The following SMC1B variants were observed in gnomAD, a reference collection of about 807,000 sequenced individuals.
SMC1B encodes structural maintenance of chromosomes 1B.
A neutral mutation model predicts 157.9 loss-of-function variants in SMC1B; 60 were observed. The observed-to-expected ratio is 0.38, with a 90% confidence interval of 0.31 to 0.47. The LOEUF is 0.47. Among genes scored for constraint, SMC1B ranks in the 20% least tolerant of loss-of-function variants. The probability of loss-of-function intolerance (pLI) is 0.99; values close to 1 mark genes in which losing one functional copy is unlikely to be tolerated. For synonymous variants in SMC1B, 445 were observed against 483.0 expected (o/e 0.92, Z 1.03); for missense variants, 1,165 against 1,426.2 (o/e 0.82, Z 2.95).
intron 17 of SMC1B, among the ~76,000 whole-genome samples, chr22:45,360,358 A>G (rs1047604007): frequency 6.6e-6 from 1 of 152,248 alleles, no homozygotes; most frequent in Non-Finnish European, 1.5e-5. Context: ...CTAATGTAGT[A>G]ACGCCTTCTA....
intron 23 of SMC1B, among the ~76,000 whole-genome samples, chr22:45,347,179 C>G (rs1318765608): frequency 6.6e-6 from 1 of 152,194 alleles, no homozygotes; most frequent in African/African-American, 2.4e-5. Flanking sequence ...CAGGAGACAA[C>G]TCAAGATGCT....
At chr22:45,370,519 C>A (rs2086821036) in intron 14 of SMC1B, among the ~76,000 whole-genome samples, 1 of 152,062 alleles carries the variant, frequency 6.6e-6, no homozygotes, top group Admixed American at 6.6e-5. Context: ...AAAATTTAAC[C>A]TCAATGTTTT....
chr22:45,351,572 A>C (rs1323735867), intron 22 of SMC1B, among the ~76,000 whole-genome samples: 1 of 152,196 alleles, frequency 6.6e-6, no homozygotes, highest in Non-Finnish European at 1.5e-5. Flanking sequence ...TTTTTGAGAC[A>C]GAGTTTTGTT....
chr22:45,365,567 T>A (rs570203415), intron 15 of SMC1B, among the ~76,000 whole-genome samples: 1 of 152,232 alleles, frequency 6.6e-6, no homozygotes, highest in African/African-American at 2.4e-5. Flanking sequence ...TAGCTGGGCA[T>A]GTTGGCACAC....
At chr22:45,379,451 A>C (rs1239284651) in intron 12 of SMC1B, among the ~76,000 whole-genome samples, 2 of 151,542 alleles carry the variant, frequency 1.3e-5, no homozygotes, top group Non-Finnish European at 2.9e-5. Context: ...TATTCTTTTC[A>C]CTCATTTTTA....
chr22:45,372,201 T>C lies in SMC1B; in HGVS notation c.2150A>G (p.Asn717Ser). 1.2e-6 allele frequency: 2 copies of C among 1,612,514 alleles called. No homozygotes were observed. Among genetic ancestry groups the C allele is most frequent in the Non-Finnish European group, 8.5e-7 (1 of 1,179,396 alleles). The change falls in exon 13 of 25, where the codon AAT becomes AGT. Residue 717 changes from asparagine (N) to serine (S), a missense_variant. Transcript: ENST00000357450. Reference protein sequence around the residue: ...GTQTRLKYSQNELEMIKKKHL... With the variant: ...GTQTRLKYSQSELEMIKKKHL... ...CTTCTTCTTAATCATCTCTAGTTCATTTTGTGAATATTTGAGTCGTGTTTG... is the reference window on the plus strand; with the variant it reads ...CTTCTTCTTAATCATCTCTAGTTCACTTTGTGAATATTTGAGTCGTGTTTG...
intron 4 of SMC1B, among the ~76,000 whole-genome samples, chr22:45,402,906 A>G (rs184416648): frequency 2.0e-5 from 3 of 152,228 alleles, no homozygotes; most frequent in Non-Finnish European, 2.9e-5. Context: ...TGTAAACTGA[A>G]AGAAGAGTGT....
At chr22:45,372,463 T>C (rs1005414947) in intron 12 of SMC1B, among the ~76,000 whole-genome samples, 171 bp from the exon 13 acceptor site, 7 of 152,028 alleles carry the variant, frequency 4.6e-5, no homozygotes, top group African/African-American at 1.7e-4. Context: ...TGATCTGGAG[T>C]AACCAAAATG....
At chr22:45,353,331 G>A (rs2086634030) in intron 21 of SMC1B, among the ~76,000 whole-genome samples, 1 of 150,238 alleles carries the variant, frequency 6.7e-6, no homozygotes, top group Non-Finnish European at 1.5e-5. Context: ...TTACTTTACT[G>A]AAAGTAAGTT....
At chr22:45,402,821 T>A (rs193044087) in intron 4 of SMC1B, among the ~76,000 whole-genome samples, 6 of 152,360 alleles carry the variant, frequency 3.9e-5, no homozygotes, top group African/African-American at 1.4e-4. Flanking sequence ...GTGGCATGCA[T>A]TAGCCTGGGT....
rs1342254088 is a variant in SMC1B, at chr22:45,372,191, C to T, written c.2160G>A (p.Glu720=). ...TRLKYSQNEL[E]MIKKKHLVAF... The stretch of plus-strand genomic sequence containing the variant: ...CAACAAGGTGCTTCTTCTTAATCAT[C>T]TCTAGTTCATTTTGTGAATATTTGA... The change falls in exon 13 of 25, where the codon GAG becomes GAA. Residue 720 remains glutamate (E), a synonymous_variant. Transcript: ENST00000357450. The T allele has an allele frequency of 1.2e-6, 2 of 1,611,790 alleles. No homozygotes were observed. Among genetic ancestry groups the T allele is most frequent in the South Asian group, 1.1e-5 (1 of 90,564 alleles).
At chr22:45,386,769 A>C in intron 11 of SMC1B, 98 bp downstream of exon 11, 1 of 1,104,372 alleles carries the variant, frequency 9.1e-7, no homozygotes, top group Non-Finnish European at 1.3e-6. Context: ...AAGAACACAT[A>C]AAACGCATAT....
chr22:45,401,427 G>T (rs2087191979), intron 5 of SMC1B, among the ~76,000 whole-genome samples: 1 of 152,260 alleles, frequency 6.6e-6, no homozygotes, highest in Non-Finnish European at 1.5e-5. Flanking sequence ...TCAGAAGCCA[G>T]CTATGTTCAA....
At chr22:45,350,610 A>G (rs9614461) in intron 22 of SMC1B, among the ~76,000 whole-genome samples, 7,878 of 152,186 alleles carry the variant, frequency 0.052, 278 homozygotes, top group Middle Eastern at 0.14. Flanking sequence ...ATGTCCAACT[A>G]CTTTCTCTAC....
At chr22:45,357,482 A>T (rs760427270) in intron 19 of SMC1B, among the ~76,000 whole-genome samples, 38 of 152,240 alleles carry the variant, frequency 2.5e-4, no homozygotes, top group Non-Finnish European at 4.6e-4. Flanking sequence ...GTGGGATGCC[A>T]GTGAGCAAAT....
At chr22:45,413,432 C>G (rs1166945257) in intron 1 of SMC1B, 27 bp downstream of exon 1, 2 of 1,542,638 alleles carry the variant, frequency 1.3e-6, no homozygotes, top group South Asian at 1.2e-5. Context: ...GGAGGCGCTC[C>G]GGTGGCGCCC....
At chr22:45,345,426 G>A in intron 24 of SMC1B, 33 bp downstream of exon 24, 2 of 1,422,034 alleles carry the variant, frequency 1.4e-6, no homozygotes, top group South Asian at 2.3e-5. Flanking sequence ...GTTGGCATTG[G>A]GTACACTCCT....
intron 10 of SMC1B, among the ~76,000 whole-genome samples, chr22:45,388,069 CTT>C (rs136594): frequency 0.12 from 18,135 of 150,678 alleles, 1,245 homozygotes; most frequent in South Asian, 0.24. Context: ...AAACAAAACA[CTT>C]TTGACTTAAA....
chr22:45,347,254 C>T (rs1014332098), intron 23 of SMC1B, among the ~76,000 whole-genome samples: 5 of 152,192 alleles, frequency 3.3e-5, no homozygotes, highest in African/African-American at 1.2e-4. Flanking sequence ...TGTCCTGTTT[C>T]CTTTCCCAGC....
Sources: allele counts gnomAD v4.1 joint callset (sites outside exome capture counted in the v4.1 genomes callset), GRCh38; gene constraint gnomAD v4.1.1; transcripts MANE v1.5; gene names NCBI Gene and HGNC (gene_info 2026-07-23, HGNC 2026-07-21).